Variants in GBE1 observed in about 807,000 individuals in gnomAD.
GBE1 encodes 1,4-alpha-glucan-branching enzyme.
GBE1 carries 70 observed loss-of-function variants against 88.8 expected under a neutral mutation model. The ratio of observed to expected loss-of-function variants is 0.79; its 90% CI spans 0.65 to 0.96. The LOEUF (loss-of-function observed/expected upper bound fraction) is 0.96, where lower values mean the gene tolerates loss of function less well. Ranked by LOEUF, GBE1 falls within the 40% of genes least tolerant of loss-of-function variation. The probability of loss-of-function intolerance (pLI) is 0.00; values close to 1 mark genes in which losing one functional copy is unlikely to be tolerated. For synonymous variants in GBE1, 284 were observed against 300.1 expected (o/e 0.95, Z 0.56); for missense variants, 872 against 871.0 (o/e 1.00, Z -0.01).
At chr3:81,566,198 C>A (rs546373289) in intron 12 of GBE1, among the ~76,000 whole-genome samples, 1 of 152,154 alleles carries the variant, frequency 6.6e-6, no homozygotes, top group African/African-American at 2.4e-5. Flanking sequence ...ATATCTTTTA[C>A]GACCTCTTAA....
intron 7 of GBE1, among the ~76,000 whole-genome samples, chr3:81,616,956 A>G (rs9835378): frequency 0.65 from 98,460 of 151,772 alleles, 33,599 homozygotes; most frequent in East Asian, 0.92. Context: ...AACTTCAAGG[A>G]AGGGATGTAG....
rs191283723 is a variant in GBE1 at position 81,733,684 on chromosome 3, C to A, written c.143+27691G>T. On this transcript the variant is annotated intron_variant, in intron 1 of 15. Transcript: ENST00000429644. The surrounding 1 kb of genome is among the most constrained non-coding windows in gnomAD (Gnocchi z 4.0). ...ACGCCTATTTAAAACTGCCCCTCCA[C>A]ACTCAATTCCCGTTTTTATTATATT... is the stretch of plus-strand genomic sequence containing the variant. Among the ~76,000 whole-genome samples, 1 of 152,176 alleles carries A rather than the reference C, an allele frequency of 6.6e-6. No individual in the cohort carries two copies. The highest frequency in any genetic ancestry group is 1.5e-5 in the Non-Finnish European group (1 of 68,038).
chr3:81,726,039 T>C (rs912763557), intron 1 of GBE1, among the ~76,000 whole-genome samples: 4 of 151,850 alleles, frequency 2.6e-5, no homozygotes, highest in Middle Eastern at 3.4e-3. Flanking sequence ...CTTAAACTGA[T>C]AATCAATAGG....
chr3:81,571,458 C>T (rs565679574), intron 12 of GBE1, among the ~76,000 whole-genome samples: 1 of 152,180 alleles, frequency 6.6e-6, no homozygotes, highest in African/African-American at 2.4e-5. Flanking sequence ...TGAAATGTTG[C>T]TGGTTTTCTT....
chr3:81,737,427 A>ATTTATATATATAAATATAT (rs1283470565), intron 1 of GBE1, among the ~76,000 whole-genome samples: 17 of 140,198 alleles, frequency 1.2e-4, no homozygotes, highest in African/African-American at 4.5e-4. Flanking sequence ...ATAAATATAT[A>ATTTATATATATAAATATAT]TATTCATTTA....
chr3:81,552,271 A>G (rs749040586), intron 12 of GBE1, among the ~76,000 whole-genome samples: 23 of 152,322 alleles, frequency 1.5e-4, no homozygotes, highest in Non-Finnish European at 2.5e-4. Flanking sequence ...TAATCCCTGC[A>G]CTTTGGGAGG....
chr3:81,744,558 A>G (rs1413685647), intron 1 of GBE1, among the ~76,000 whole-genome samples: 2 of 152,164 alleles, frequency 1.3e-5, no homozygotes, highest in Non-Finnish European at 2.9e-5. Flanking sequence ...GAATGCAGCC[A>G]CTTAGCTTAC....
intron 14 of GBE1, among the ~76,000 whole-genome samples, chr3:81,515,948 G>C (rs1559630572): frequency 1.3e-5 from 2 of 151,590 alleles, no homozygotes; most frequent in Non-Finnish European, 1.5e-5. Flanking sequence ...TTAAAGCTAG[G>C]AGAGACTGGT....
At chr3:81,652,048 G>A (rs1320884510) in intron 3 of GBE1, among the ~76,000 whole-genome samples, 6 of 152,166 alleles carry the variant, frequency 3.9e-5, no homozygotes, top group Admixed American at 6.5e-5. Context: ...CATTGTTAAT[G>A]GGAGCCATTT....
intron 7 of GBE1, among the ~76,000 whole-genome samples, chr3:81,615,162 G>C (rs1235371705): frequency 6.6e-6 from 1 of 152,220 alleles, no homozygotes; most frequent in Non-Finnish European, 1.5e-5. Context: ...TATTAATCGT[G>C]GGTATATTTT....
intron 1 of GBE1, among the ~76,000 whole-genome samples, chr3:81,728,928 C>G (rs1392932139): frequency 6.6e-6 from 1 of 151,588 alleles, no homozygotes; most frequent in East Asian, 1.9e-4. Context: ...GCACACCACT[C>G]TCTGACTCAA....
chr3:81,522,810 T>C (rs779779094), intron 14 of GBE1, among the ~76,000 whole-genome samples: 1 of 151,636 alleles, frequency 6.6e-6, no homozygotes, highest in Non-Finnish European at 1.5e-5. Flanking sequence ...TATTTCTTCA[T>C]GGTTCTCTTG....
intron 12 of GBE1, among the ~76,000 whole-genome samples, chr3:81,569,434 T>C (rs1239354979): frequency 1.3e-5 from 2 of 152,244 alleles, no homozygotes; most frequent in South Asian, 2.1e-4. Context: ...TTACATGATA[T>C]GGCATTCCAC....
chr3:81,616,703 A>G (rs1370957243), intron 7 of GBE1, among the ~76,000 whole-genome samples: 2 of 152,128 alleles, frequency 1.3e-5, no homozygotes, highest in Non-Finnish European at 2.9e-5. Flanking sequence ...TAATTTTGAA[A>G]TAATCTCTAT....
At chr3:81,535,521 A>T (rs1357585453) in intron 13 of GBE1, among the ~76,000 whole-genome samples, 196 bp from the exon 14 acceptor site, 1 of 152,026 alleles carries the variant, frequency 6.6e-6, no homozygotes, top group East Asian at 1.9e-4. Context: ...TGTTTAGTGG[A>T]GTATACAAAG....
At chr3:81,529,804 A>C (rs1702990386) in intron 14 of GBE1, among the ~76,000 whole-genome samples, 1 of 151,840 alleles carries the variant, frequency 6.6e-6, no homozygotes, top group African/African-American at 2.4e-5. Context: ...TATTTGGGTA[A>C]AATCTGCATT....
At chr3:81,561,112 A>G (rs975781297) in intron 12 of GBE1, among the ~76,000 whole-genome samples, 2 of 152,054 alleles carry the variant, frequency 1.3e-5, no homozygotes, top group Non-Finnish European at 2.9e-5. Flanking sequence ...TGCACCTATC[A>G]TTACTCAGTT....
chr3:81,490,255 G>A lies in GBE1; in HGVS notation c.*152C>T. ...CCATCTACTTAAATAAAAGTTTGCT[G>A]TATTTGCATAAACCAATATTGAATT... On this transcript the variant is annotated 3_prime_UTR_variant, in exon 16 of 16. Transcript: ENST00000429644. 2 of 652,292 alleles carry A rather than the reference G, an allele frequency of 3.1e-6. No individual in the cohort carries two copies. The highest frequency in any genetic ancestry group is 2.7e-6 in the Non-Finnish European group (1 of 368,268). 40.4% of individuals were successfully genotyped at this position (652,292 alleles called of 1,614,324 possible). A position where few individuals can be genotyped will look rare whatever the true frequency, so the allele number is the denominator to read the frequency against.
chr3:81,761,344 C>CT, intron 1 of GBE1, 31 bp downstream of exon 1: 2 of 1,590,882 alleles, frequency 1.3e-6, no homozygotes, highest in Non-Finnish European at 1.7e-6. Context: ...GGCTGCCTGT[C>CT]TAAGTGGGGG....
Sources: allele counts gnomAD v4.1 joint callset (sites outside exome capture counted in the v4.1 genomes callset), GRCh38; gene constraint gnomAD v4.1.1; non-coding constraint Gnocchi (gnomAD v3.1); transcripts MANE v1.5; gene names NCBI Gene and HGNC (gene_info 2026-07-23, HGNC 2026-07-21).